Variants in PPM1H observed in about 807,000 individuals in gnomAD.
The protein encoded by PPM1H is protein phosphatase 1H.
A neutral mutation model predicts 54.9 loss-of-function variants in PPM1H; 27 were observed. The observed-to-expected ratio is 0.49, with a 90% confidence interval of 0.36 to 0.68. The LOEUF is 0.68. Among genes scored for constraint, PPM1H ranks in the 30% least tolerant of loss-of-function variants. The pLI is 0.00. For synonymous variants in PPM1H, 305 were observed against 270.8 expected, an observed-to-expected ratio of 1.13 and a Z score of -1.24; for missense variants, 596 against 667.8, an observed-to-expected ratio of 0.89 and a Z score of 1.19.
At chr12:62,657,747 AT>A (rs1156953341) in intron 9 of PPM1H, among the ~76,000 whole-genome samples, 2 of 152,196 alleles carry the variant, frequency 1.3e-5, no homozygotes, top group Non-Finnish European at 1.5e-5. Flanking sequence ...GCAAAAATAA[AT>A]TTCATATTAG....
chr12:62,706,332 C>T (rs1196837240), intron 6 of PPM1H, among the ~76,000 whole-genome samples: 2 of 152,144 alleles, frequency 1.3e-5, no homozygotes, highest in African/African-American at 4.8e-5. Flanking sequence ...GCCGCCAAGG[C>T]AAGAAGCGCA....
chr12:62,695,131 T>C (rs2076106782), intron 6 of PPM1H, among the ~76,000 whole-genome samples: 1 of 152,126 alleles, frequency 6.6e-6, no homozygotes, highest in African/African-American at 2.4e-5. Flanking sequence ...TTATGGAAGC[T>C]CTTGAGGTAC....
intron 9 of PPM1H, among the ~76,000 whole-genome samples, chr12:62,651,137 T>G (rs984402295): frequency 6.6e-6 from 1 of 152,230 alleles, no homozygotes. Context: ...AATTATGGTA[T>G]GCTATGAGAA....
chr12:62,868,433 G>C (rs921740425), intron 1 of PPM1H, among the ~76,000 whole-genome samples: 2 of 152,078 alleles, frequency 1.3e-5, no homozygotes, highest in African/African-American at 4.8e-5. Flanking sequence ...TGAAGAACCT[G>C]GGTTAAAGAG....
intron 3 of PPM1H, among the ~76,000 whole-genome samples, chr12:62,795,572 G>A (rs1051167152): frequency 6.6e-6 from 1 of 151,900 alleles, no homozygotes; most frequent in South Asian, 2.1e-4. Context: ...TCAGGCTCCC[G>A]AGTAGCTGGG....
chr12:62,894,928 T>A (rs1870929525), intron 1 of PPM1H, among the ~76,000 whole-genome samples: 1 of 152,272 alleles, frequency 6.6e-6, no homozygotes, highest in South Asian at 2.1e-4. Context: ...TGTTGGGGGC[T>A]GCATGGCAAC....
At chr12:62,659,054 C>T in intron 9 of PPM1H, 1 of 726,398 alleles carries the variant, frequency 1.4e-6, no homozygotes, top group Non-Finnish European at 2.5e-6. Flanking sequence ...AGTTCCTGAT[C>T]CACAGCGTCA....
At chr12:62,795,533 G>A (rs756706072) in intron 3 of PPM1H, among the ~76,000 whole-genome samples, 4 of 151,896 alleles carry the variant, frequency 2.6e-5, no homozygotes, top group Non-Finnish European at 5.9e-5. Context: ...TGTAAGCTCC[G>A]CCTCCCGGGT....
intron 9 of PPM1H, among the ~76,000 whole-genome samples, chr12:62,650,586 C>T (rs1255706058): frequency 6.6e-6 from 1 of 152,206 alleles, no homozygotes; most frequent in South Asian, 2.1e-4. Flanking sequence ...GAAGAACTAC[C>T]TGAGACTGGG....
chr12:62,878,295 T>C lies in PPM1H; in HGVS notation c.246-46016A>G, dbSNP rs1870254348. Reference sequence around the variant, plus strand: ...TTACCTATACTGAAAAGGAAACATGTTCTTCATCCCCGCTTTGACCCCCAT... The same window carrying C: ...TTACCTATACTGAAAAGGAAACATGCTCTTCATCCCCGCTTTGACCCCCAT... On this transcript the variant is annotated intron_variant, in intron 1 of 9. Transcript: ENST00000228705. Among the ~76,000 whole-genome samples, 4 of 152,156 alleles carry C rather than the reference T, an allele frequency of 2.6e-5. No individual in the cohort carries two copies. In the South Asian group the frequency reaches 8.3e-4, roughly 32 times the overall value.
At chr12:62,775,573 T>C (rs1168329384) in intron 4 of PPM1H, among the ~76,000 whole-genome samples, 2 of 152,194 alleles carry the variant, frequency 1.3e-5, no homozygotes, top group African/African-American at 4.8e-5. Flanking sequence ...GTAGGCAAGA[T>C]GGAACGAAGG....
At chr12:62,812,016 G>A (rs992256597) in intron 2 of PPM1H, among the ~76,000 whole-genome samples, 1 of 152,222 alleles carries the variant, frequency 6.6e-6, no homozygotes, top group African/African-American at 2.4e-5. Context: ...CTGGTATGTG[G>A]CAGAGATAGG....
At position 62,689,693 on chromosome 12, in the gene PPM1H, C is replaced by G; in HGVS notation, c.1245+6G>C. On this transcript the variant is annotated splice_donor_region_variant and intron_variant, in intron 8 of 9. Transcript: ENST00000228705. ...ACAAAATATAAACAAAAACCTCATG[C>G]GGTACCTCTGGAGCTGAAGACAGGA... 1 of 1,606,654 alleles carries G rather than the reference C, an allele frequency of 6.2e-7. No homozygotes were observed. The highest frequency in any genetic ancestry group is 1.1e-5 in the South Asian group (1 of 90,274).
intron 3 of PPM1H, among the ~76,000 whole-genome samples, chr12:62,790,390 A>C (rs1472327580): frequency 2.0e-5 from 3 of 152,202 alleles, no homozygotes; most frequent in Non-Finnish European, 4.4e-5. Context: ...AGCCTGGGCA[A>C]CATAGTGATA....
At chr12:62,858,942 G>T (rs1237546972) in intron 1 of PPM1H, among the ~76,000 whole-genome samples, 1 of 152,124 alleles carries the variant, frequency 6.6e-6, no homozygotes, top group Non-Finnish European at 1.5e-5. Context: ...CCATTTTAAA[G>T]ATTTCTTCCT....
At chr12:62,652,570 CTTCT>C (rs981481218) in intron 9 of PPM1H, among the ~76,000 whole-genome samples, 1 of 152,030 alleles carries the variant, frequency 6.6e-6, no homozygotes, top group Non-Finnish European at 1.5e-5. Context: ...TGCTTCTTTC[CTTCT>C]TTCTTGTTTT....
chr12:62,796,636 C>G (rs935713848), intron 3 of PPM1H, among the ~76,000 whole-genome samples: 6 of 152,158 alleles, frequency 3.9e-5, no homozygotes, highest in African/African-American at 1.4e-4. Flanking sequence ...GCTCACTGAG[C>G]CCTATTCTCT....
At chr12:62,855,481 C>G (rs964740957) in intron 1 of PPM1H, among the ~76,000 whole-genome samples, 2 of 152,138 alleles carry the variant, frequency 1.3e-5, no homozygotes, top group African/African-American at 4.8e-5. Flanking sequence ...AGAGTCACAA[C>G]AGATTTTGAA....
intron 4 of PPM1H, among the ~76,000 whole-genome samples, chr12:62,769,648 C>T (rs2076566247): frequency 6.6e-6 from 1 of 152,146 alleles, no homozygotes; most frequent in South Asian, 2.1e-4. Context: ...TTTAACAGCG[C>T]CATGGGAAAC....
Sources: gnomAD v4.1 joint callset for allele counts (sites outside exome capture counted in the v4.1 genomes callset) on GRCh38, gnomAD v4.1.1 for gene constraint, MANE v1.5 for transcripts, NCBI Gene and HGNC (gene_info 2026-07-23, HGNC 2026-07-21) for gene names.